Variants in TMEM190 observed in about 807,000 individuals in gnomAD.
TMEM190 encodes the protein transmembrane protein 190.
Under a neutral mutation model 17.1 loss-of-function variants are expected in TMEM190, and 17 were observed. The observed-to-expected ratio is 0.99, with a 90% confidence interval of 0.68 to 1.49. The LOEUF is 1.49. TMEM190 is among the 40% of genes most tolerant of loss of function. TMEM190 has a pLI of 0.00. For missense variants in TMEM190, 246 were observed against 245.0 expected (o/e 1.00, Z -0.03); for synonymous variants, 101 against 103.8 (o/e 0.97, Z 0.16).
At position 55,377,859 on chromosome 19, in the gene TMEM190, T is replaced by C. The variant is rs2089864678; in HGVS notation, c.278T>C (p.Leu93Pro). The change falls in exon 4 of 5, where the codon CTC becomes CCC. Residue 93 changes from leucine (L) to proline (P), a missense_variant. Physicochemically the swap from Leu to Pro is moderately conservative, Grantham distance 98. Transcript: ENST00000291934. ...GTCTGGACGTGCAGCGGCCTCCTCC[T>C]CCTGAGCTGCAGCATCTGCTTGTTC... is the stretch of plus-strand genomic sequence containing the variant. Reference protein sequence around the residue: ...ALVWTCSGLLLLSCSICLFWW... With the variant: ...ALVWTCSGLLPLSCSICLFWW... 6 of 1,610,104 alleles carry C rather than the reference T, an allele frequency of 3.7e-6. No individual in the cohort carries two copies. The highest frequency in any genetic ancestry group is 1.3e-5 in the African/African-American group (1 of 74,810).
In TMEM190 at chr19:55,377,892, T is replaced by C; in HGVS notation, c.305+6T>C. ...TGCAGCATCTGCTTGTTCTGGCGAG[T>C]GGGCCTGGGATAGGGCGGGCGCCTG... On this transcript the variant is annotated splice_donor_region_variant and intron_variant, in intron 4 of 4. Transcript: ENST00000291934. 1.9e-6 allele frequency: 3 copies of C among 1,607,946 alleles called. No individual in the cohort carries two copies. Among genetic ancestry groups the C allele is most frequent in the Non-Finnish European group, 2.5e-6 (3 of 1,179,594 alleles).
At position 55,378,232 on chromosome 19, in the gene TMEM190, G is replaced by A; in HGVS notation, c.*29G>A. On this transcript the variant is annotated 3_prime_UTR_variant, in exon 5 of 5. Coordinates refer to ENST00000291934, the MANE Select transcript of TMEM190 (RefSeq NM_139172.3). ...AGTCCCCGGGGGACTGCTCAATACAGATACGGTGGACGGACGTGTGTTCTC... is the reference window on the plus strand; with the variant it reads ...AGTCCCCGGGGGACTGCTCAATACAAATACGGTGGACGGACGTGTGTTCTC... The A allele has an allele frequency of 6.7e-7, 1 of 1,489,746 alleles. No homozygotes were observed. The highest frequency in any genetic ancestry group is 8.9e-7 in the Non-Finnish European group (1 of 1,117,510). 92.3% of individuals were successfully genotyped at this position (1,489,746 alleles called of 1,614,324 possible).
intron 2 of TMEM190, 141 bp from the exon 3 acceptor site, chr19:55,377,452 G>T: frequency 7.4e-7 from 1 of 1,348,422 alleles, no homozygotes; most frequent in Middle Eastern, 2.7e-4. Flanking sequence ...GAGGGAGGAG[G>T]GGGTGGAGTC....
At position 55,378,131 on chromosome 19, in the gene TMEM190, T is replaced by A. The variant is rs780961246; in HGVS notation, c.462T>A (p.Asp154Glu). 1.3e-6 allele frequency: 2 copies of A among 1,589,366 alleles called. No homozygotes were observed. Among genetic ancestry groups the A allele is most frequent in the South Asian group, 2.3e-5 (2 of 88,874 alleles). ...TCGCCCTGTCCAAAGAGTCCAGGGA[T>A]GTGGAGGGAGGCACCGAGGGGGAAG... ...VPVALSKESR[D>E]VEGGTEGEGT... The change falls in exon 5 of 5, where the codon GAT becomes GAA. Residue 154 changes from aspartate to glutamate, a missense_variant. Coordinates refer to ENST00000291934, the MANE Select transcript of TMEM190 (RefSeq NM_139172.3).
chr19:55,376,933 G>A (rs1268867065), intron 1 of TMEM190, 22 bp downstream of exon 1: 7 of 1,560,788 alleles, frequency 4.5e-6, no homozygotes, highest in South Asian at 1.2e-5. Context: ...GTGAGGCGGG[G>A]GAGCTGAGGA....
Position 55,377,024 on chromosome 19 carries a change from GGAGT to G in TMEM190, c.94+2_94+5del. 7.1e-6 allele frequency: 11 copies of G among 1,551,326 alleles called. No individual in the cohort carries two copies. Among genetic ancestry groups the G allele is most frequent in the Non-Finnish European group, 9.6e-6 (11 of 1,146,968 alleles). On this transcript the variant is annotated splice_donor_variant and coding_sequence_variant, in exon 2 of 5. Coordinates refer to ENST00000291934, the MANE Select transcript of TMEM190 (RefSeq NM_139172.3). LOFTEE classifies it high-confidence loss of function. ...GGAATCCAGGGATTCTTCTACCCAT[GGAGT>G]GAGCAGCCGCTGAAATACTGGGTCA...
chr19:55,378,069 G>A lies in TMEM190; in HGVS notation c.400G>A (p.Gly134Arg). 1 of 1,612,156 alleles carries A rather than the reference G, an allele frequency of 6.2e-7. No individual in the cohort carries two copies. Reference sequence around the variant, plus strand: ...CGTCTCGCTGCTCTCCAAGCACCGAGGGACCAAGAAGACGCCGTCCACGGG... The same window carrying A: ...CGTCTCGCTGCTCTCCAAGCACCGAAGGACCAAGAAGACGCCGTCCACGGG... ...KSVSLLSKHR[G>R]TKKTPSTGSV... is the part of the protein sequence containing the mutation. The change falls in exon 5 of 5, where the codon GGG (glycine) becomes AGG (arginine). Residue 134 changes from glycine (G) to arginine (R), a missense_variant. Gly to Arg is a moderately radical substitution (Grantham distance 125, BLOSUM62 -2). Coordinates refer to ENST00000291934, the MANE Select transcript of TMEM190 (RefSeq NM_139172.3).
In TMEM190 at chr19:55,377,580, G is replaced by T; in HGVS notation, c.95-13G>T. 1 of 1,598,958 alleles carries T rather than the reference G, an allele frequency of 6.3e-7. No homozygotes were observed. On this transcript the variant is annotated splice_polypyrimidine_tract_variant and intron_variant, in intron 2 of 4. Transcript: ENST00000291934. ...CGCTGTGATGAAGCAAGCCACTGGT[G>T]GTTGGTCCCCAGGCTGTGAGGGTGA...
In TMEM190 at chr19:55,377,476, C is replaced by T. The variant is rs1372222823; in HGVS notation, c.95-117C>T. 7 of 1,497,420 alleles carry T rather than the reference C, an allele frequency of 4.7e-6. No individual in the cohort carries two copies. In the African/African-American group the frequency reaches 8.4e-5, roughly 18 times the overall value. 92.8% of individuals were successfully genotyped at this position (1,497,420 alleles called of 1,614,324 possible). On this transcript the variant is annotated intron_variant, in intron 2 of 4. Transcript: ENST00000291934. ...GGGGGTGGAGTCTGGACCCCTGGGG[C>T]CCTGCACAGAGTAAGCACCAGGAAG...
At chr19:55,377,057 A>T (rs1389216410) in intron 2 of TMEM190, 31 bp downstream of exon 2, 3 of 1,550,404 alleles carry the variant, frequency 1.9e-6, no homozygotes, top group Middle Eastern at 1.7e-4. Context: ...TGGGTCACCC[A>T]GGGAGGGGAG....
chr19:55,377,011 T>C lies in TMEM190; in HGVS notation c.79T>C (p.Phe27Leu). The C allele has an allele frequency of 6.4e-7, 1 of 1,551,390 alleles. No homozygotes were observed. Among genetic ancestry groups the C allele is most frequent in the African/African-American group, 1.4e-5 (1 of 73,164 alleles). The change falls in exon 2 of 5, where the codon TTC becomes CTC. Residue 27 changes from phenylalanine to leucine, a missense_variant. Physicochemically the swap from Phe to Leu is conservative, Grantham distance 22. Coordinates refer to ENST00000291934, the MANE Select transcript of TMEM190 (RefSeq NM_139172.3). ...CGCAGACGGAAATGGAATCCAGGGA[T>C]TCTTCTACCCATGGAGTGAGCAGCC... is the stretch of plus-strand genomic sequence containing the variant. ...GSADGNGIQG[F>L]FYPWSCEGDI...
At position 55,378,085 on chromosome 19, in the gene TMEM190, C is replaced by T. The variant is rs769928412; in HGVS notation, c.416C>T (p.Pro139Leu). The change falls in exon 5 of 5, where the codon CCG becomes CTG. Residue 139 changes from proline to leucine, a missense_variant. Coordinates refer to ENST00000291934, the MANE Select transcript of TMEM190 (RefSeq NM_139172.3). ...AAGCACCGAGGGACCAAGAAGACGCCGTCCACGGGCAGCGTGCCAGTCGCC... is the reference window on the plus strand; with the variant it reads ...AAGCACCGAGGGACCAAGAAGACGCTGTCCACGGGCAGCGTGCCAGTCGCC... ...LSKHRGTKKTPSTGSVPVALS... is the reference protein window; with the variant it reads ...LSKHRGTKKTLSTGSVPVALS... 1.1e-5 allele frequency: 18 copies of T among 1,610,308 alleles called. No homozygotes were observed. Among genetic ancestry groups the T allele is most frequent in the East Asian group, 6.7e-5 (3 of 44,744 alleles).
rs780961246 is a variant in TMEM190, at chr19:55,378,131, T to G, written c.462T>G (p.Asp154Glu). ...TCGCCCTGTCCAAAGAGTCCAGGGA[T>G]GTGGAGGGAGGCACCGAGGGGGAAG... ...VPVALSKESRDVEGGTEGEGT... is the reference protein window; with the variant it reads ...VPVALSKESREVEGGTEGEGT... The change falls in exon 5 of 5, where the codon GAT becomes GAG. Residue 154 changes from aspartate to glutamate, a missense_variant. Coordinates refer to ENST00000291934, the MANE Select transcript of TMEM190 (RefSeq NM_139172.3). 3.1e-6 allele frequency: 5 copies of G among 1,589,366 alleles called. No individual in the cohort carries two copies. In the East Asian group the frequency reaches 1.1e-4, roughly 36 times the overall value.
Position 55,377,896 on chromosome 19 carries a change from C to T in TMEM190, c.305+10C>T. ...GCATCTGCTTGTTCTGGCGAGTGGGCCTGGGATAGGGCGGGCGCCTGCACC... is the reference window on the plus strand; with the variant it reads ...GCATCTGCTTGTTCTGGCGAGTGGGTCTGGGATAGGGCGGGCGCCTGCACC... On this transcript the variant is annotated intron_variant, in intron 4 of 4. Transcript: ENST00000291934. The T allele has an allele frequency of 2.5e-6, 4 of 1,608,158 alleles. No individual in the cohort carries two copies. Among genetic ancestry groups the T allele is most frequent in the African/African-American group, 2.7e-5 (2 of 74,972 alleles).
Position 55,377,970 on chromosome 19 carries a change from T to C in TMEM190, c.306-5T>C. On this transcript the variant is annotated splice_polypyrimidine_tract_variant and splice_region_variant and intron_variant, in intron 4 of 4. Transcript: ENST00000291934. ...GGCGGGGGCTGAGCCGTCCGCTCCC[T>C]GCAGGTGGGCCAAGCGCCGGGACGT... 1.2e-6 allele frequency: 2 copies of C among 1,610,570 alleles called. No individual in the cohort carries two copies. The highest frequency in any genetic ancestry group is 1.7e-6 in the Non-Finnish European group (2 of 1,179,728).
intron 2 of TMEM190, among the ~76,000 whole-genome samples, 161 bp downstream of exon 2, chr19:55,377,187 C>T (rs10420436): frequency 0.3 from 33,755 of 110,820 alleles, 5,313 homozygotes; most frequent in Non-Finnish European, 0.37. Context: ...GGGCCTGGAT[C>T]CCTGGATCTG....
Position 55,377,842 on chromosome 19 carries a change from G to T in TMEM190, c.261G>T (p.Thr87=), listed in dbSNP as rs551406252. The change falls in exon 4 of 5, where the codon ACG becomes ACT. Residue 87 remains threonine (T), a synonymous_variant. Coordinates refer to ENST00000291934, the MANE Select transcript of TMEM190 (RefSeq NM_139172.3). ...RRKHMWALVW[T]CSGLLLLSCS... is the part of the protein sequence containing the mutation. ...AGCACATGTGGGCGCTGGTCTGGACGTGCAGCGGCCTCCTCCTCCTGAGCT... is the reference window on the plus strand; with the variant it reads ...AGCACATGTGGGCGCTGGTCTGGACTTGCAGCGGCCTCCTCCTCCTGAGCT... 1.9e-6 allele frequency: 3 copies of T among 1,611,034 alleles called. No individual in the cohort carries two copies. Among genetic ancestry groups the T allele is most frequent in the Non-Finnish European group, 1.7e-6 (2 of 1,179,836 alleles).
chr19:55,378,142 G>T lies in TMEM190; in HGVS notation c.473G>T (p.Gly158Val). 1 of 1,585,656 alleles carries T rather than the reference G, an allele frequency of 6.3e-7. No individual in the cohort carries two copies. Among genetic ancestry groups the T allele is most frequent in the Non-Finnish European group, 8.6e-7 (1 of 1,162,488 alleles). ...AAAGAGTCCAGGGATGTGGAGGGAG[G>T]CACCGAGGGGGAAGGGACGGAGGAG... ...LSKESRDVEG[G>V]TEGEGTEEGE... The change falls in exon 5 of 5, where the codon GGC (glycine) becomes GTC (valine). Residue 158 changes from glycine to valine, a missense_variant. Transcript: ENST00000291934.
chr19:55,377,029 G>C lies in TMEM190; in HGVS notation c.94+3G>C. ...CCAGGGATTCTTCTACCCATGGAGTGAGCAGCCGCTGAAATACTGGGTCAC... is the reference window on the plus strand; with the variant it reads ...CCAGGGATTCTTCTACCCATGGAGTCAGCAGCCGCTGAAATACTGGGTCAC... On this transcript the variant is annotated splice_donor_region_variant and intron_variant, in intron 2 of 4. Coordinates refer to ENST00000291934, the MANE Select transcript of TMEM190 (RefSeq NM_139172.3). 1 of 1,551,216 alleles carries C rather than the reference G, an allele frequency of 6.4e-7. No homozygotes were observed. The highest frequency in any genetic ancestry group is 1.2e-5 in the South Asian group (1 of 84,056).
Sources: allele counts gnomAD v4.1 joint callset (sites outside exome capture counted in the v4.1 genomes callset), GRCh38; gene constraint gnomAD v4.1.1; transcripts MANE v1.5; gene names NCBI Gene and HGNC (gene_info 2026-07-23, HGNC 2026-07-21).